NCALD: variants seen among roughly 807,000 people sequenced by gnomAD.
NCALD encodes the protein neurocalcin delta.
In NCALD, 10 loss-of-function variants were observed where a neutral mutation model predicts 18.6. That is an observed-to-expected ratio of 0.54 (90% CI 0.33 to 0.91). NCALD has a LOEUF of 0.91. NCALD is among the 40% of genes least tolerant of loss of function. The probability of loss-of-function intolerance (pLI) is 0.03; values close to 1 mark genes in which losing one functional copy is unlikely to be tolerated. For missense variants in NCALD, 184 were observed against 247.6 expected (o/e 0.74, Z 1.72); for synonymous variants, 88 against 87.4 (o/e 1.01, Z -0.04).
At chr8:101,696,525 C>T (rs576079218) in intron 2 of NCALD, among the ~76,000 whole-genome samples, 37 of 152,158 alleles carry the variant, frequency 2.4e-4, no homozygotes, top group African/African-American at 8.2e-4. Context: ...AGAGTGGGAG[C>T]GTGGCAAGGA....
intron 4 of NCALD, among the ~76,000 whole-genome samples, chr8:101,819,931 C>T (rs1813653429): frequency 6.6e-6 from 1 of 152,178 alleles, no homozygotes. Context: ...CCTCCTGAAC[C>T]TGTGGATGAA....
In NCALD at chr8:101,958,435, G is replaced by A. The variant is rs145798493; in HGVS notation, c.-156-42577C>T. On this transcript the variant is annotated intron_variant, in intron 2 of 6. Transcript: ENST00000311028. Reference sequence around the variant, plus strand: ...TACATCACTGATGTAGGGAGGAATCGAGCCCAAGGAGAAAACTCCTTGGAG... The same window carrying A: ...TACATCACTGATGTAGGGAGGAATCAAGCCCAAGGAGAAAACTCCTTGGAG... Among the ~76,000 whole-genome samples, 600 of 152,180 alleles carry A rather than the reference G, an allele frequency of 3.9e-3. 1 individual carries two copies. The highest frequency in any genetic ancestry group is 6.6e-3 in the Non-Finnish European group (451 of 67,984).
chr8:101,987,708 A>C (rs967706639), intron 2 of NCALD, among the ~76,000 whole-genome samples: 2 of 152,162 alleles, frequency 1.3e-5, no homozygotes, highest in Non-Finnish European at 2.9e-5. Flanking sequence ...CCAGAGTCCA[A>C]GATGTATTAC....
intron 4 of NCALD, among the ~76,000 whole-genome samples, chr8:101,853,308 C>A (rs1815173703): frequency 6.6e-6 from 1 of 152,098 alleles, no homozygotes. Flanking sequence ...GCTTTGGAAC[C>A]TTCTTGATGG....
At chr8:101,784,162 A>G (rs1171483704) in intron 1 of NCALD, among the ~76,000 whole-genome samples, 2 of 152,062 alleles carry the variant, frequency 1.3e-5, no homozygotes, top group Non-Finnish European at 2.9e-5. Context: ...AGACCTGATG[A>G]CCGGGCCTGG....
At chr8:101,776,470 TA>T (rs1338339986) in intron 1 of NCALD, among the ~76,000 whole-genome samples, 1 of 152,142 alleles carries the variant, frequency 6.6e-6, no homozygotes, top group Non-Finnish European at 1.5e-5. Flanking sequence ...TTTTTTTTAA[TA>T]TTAAGTTTGC....
At chr8:101,926,954 T>A (rs1171172396) in intron 2 of NCALD, among the ~76,000 whole-genome samples, 1 of 152,204 alleles carries the variant, frequency 6.6e-6, no homozygotes, top group African/African-American at 2.4e-5. Flanking sequence ...CACTGTCCTA[T>A]TGAGAAGAGC....
rs544950495 is a variant in NCALD at position 101,990,500 on chromosome 8, C to T, written c.-157+29737G>A. ...AGCTCCCACAATTCTCATGTGTTGT[C>T]GGGGGGACCCGGTAGGAGGTAATTG... is the stretch of plus-strand genomic sequence containing the variant. On this transcript the variant is annotated intron_variant, in intron 2 of 6. Coordinates refer to the NCALD transcript ENST00000311028. 4.6e-5 allele frequency among the ~76,000 whole-genome samples: 7 copies of T among 152,260 alleles called. No individual in the cohort carries two copies. The South Asian group carries it at 6.2e-4, about 14-fold the overall frequency.
intron 3 of NCALD, among the ~76,000 whole-genome samples, chr8:101,889,680 T>C (rs1006324835): frequency 2.6e-5 from 4 of 152,232 alleles, no homozygotes; most frequent in African/African-American, 9.6e-5. Flanking sequence ...GAAAGCTAGT[T>C]CATTTTACCA....
At chr8:101,843,863 C>T (rs966922400) in intron 4 of NCALD, among the ~76,000 whole-genome samples, 8 of 151,880 alleles carry the variant, frequency 5.3e-5, no homozygotes, top group Non-Finnish European at 1.0e-4. Context: ...ATTACAGGCG[C>T]GAGCCACCAT....
intron 1 of NCALD, among the ~76,000 whole-genome samples, chr8:101,785,658 G>A (rs756239720): frequency 5.9e-5 from 9 of 152,084 alleles, no homozygotes; most frequent in South Asian, 2.1e-4. Context: ...CAGGGAAGAC[G>A]GGAGAGATAT....
chr8:101,691,787 C>G (rs1360465997), intron 3 of NCALD: 1 of 985,220 alleles, frequency 1.0e-6, no homozygotes, highest in African/African-American at 1.7e-5. Context: ...GACAGAGGCT[C>G]TCTGTACTGC....
intron 2 of NCALD, among the ~76,000 whole-genome samples, chr8:101,999,073 CAAA>C (rs34227411): frequency 0.042 from 3,325 of 79,366 alleles, 43 homozygotes; most frequent in East Asian, 0.12. Flanking sequence ...CACTCACCAT[CAAA>C]AAAAAAAAAA....
intron 4 of NCALD, among the ~76,000 whole-genome samples, chr8:101,809,081 T>C (rs1217271958): frequency 1.3e-5 from 2 of 152,154 alleles, no homozygotes; most frequent in Non-Finnish European, 2.9e-5. Flanking sequence ...CAGGAGTCCC[T>C]AAAGAAGAAA....
chr8:101,942,847 A>G (rs1819007994), intron 2 of NCALD, among the ~76,000 whole-genome samples: 1 of 152,186 alleles, frequency 6.6e-6, no homozygotes. Context: ...TAACATTCAC[A>G]TGCTTACCCA....
intron 4 of NCALD, among the ~76,000 whole-genome samples, chr8:101,829,971 TG>T (rs958478888): frequency 8.0e-6 from 1 of 125,338 alleles, no homozygotes; most frequent in African/African-American, 2.9e-5. Context: ...CCCAGTCACA[TG>T]GGTTTTTTTT....
intron 4 of NCALD, among the ~76,000 whole-genome samples, chr8:101,846,586 C>A (rs1814877325): frequency 6.6e-6 from 1 of 152,154 alleles, no homozygotes; most frequent in Admixed American, 6.5e-5. Flanking sequence ...TAAAGATTAT[C>A]TAGTGCCTAT....
intron 1 of NCALD, among the ~76,000 whole-genome samples, chr8:101,734,049 T>C (rs988844693): frequency 2.0e-5 from 3 of 152,196 alleles, no homozygotes; most frequent in Admixed American, 1.3e-4. Context: ...GCTGTGTTGA[T>C]GGCCTTCTCC....
At chr8:101,769,599 A>G (rs977113972) in intron 1 of NCALD, among the ~76,000 whole-genome samples, 7 of 151,556 alleles carry the variant, frequency 4.6e-5, no homozygotes, top group Non-Finnish European at 8.8e-5. Context: ...GTAAATGCAC[A>G]TTTATTTTCT....
Sources: gnomAD v4.1 joint callset for allele counts (sites outside exome capture counted in the v4.1 genomes callset) on GRCh38, gnomAD v4.1.1 for gene constraint, MANE v1.5 for transcripts, NCBI Gene and HGNC (gene_info 2026-07-23, HGNC 2026-07-21) for gene names.